The following STPG2 variants were observed in gnomAD, a reference collection of about 807,000 sequenced individuals.
The protein encoded by STPG2 is sperm-tail PG-rich repeat-containing protein 2.
A neutral mutation model predicts 54.2 loss-of-function variants in STPG2; 56 were observed. That is an observed-to-expected ratio of 1.03 (90% CI 0.83 to 1.29). The LOEUF (loss-of-function observed/expected upper bound fraction) is 1.29. Ranked by LOEUF, STPG2 falls within the 50% of genes most tolerant of loss-of-function variation. The pLI, the probability that STPG2 is intolerant of heterozygous loss-of-function variation, is 0.00. For missense variants in STPG2, 596 were observed against 544.9 expected, an observed-to-expected ratio of 1.09 and a Z score of -0.93; for synonymous variants, 200 against 181.8, an observed-to-expected ratio of 1.10 and a Z score of -0.81.
intron 9 of STPG2, among the ~76,000 whole-genome samples, chr4:97,808,707 A>AC (rs1553915304): frequency 4.3e-4 from 64 of 150,204 alleles, no homozygotes; most frequent in Middle Eastern, 3.5e-3. Context: ...CAAAAAAAAA[A>AC]CCCACAGAAA....
At chr4:97,712,913 T>A in intron 9 of STPG2, 99 bp from the exon 10 acceptor site, 1 of 712,828 alleles carries the variant, frequency 1.4e-6, no homozygotes, top group Non-Finnish European at 2.1e-6. Flanking sequence ...TGTATAAAAT[T>A]AGCATGAAAC....
chr4:98,063,165 T>A lies in STPG2; in HGVS notation c.612+42788A>T, dbSNP rs1361611001. On this transcript the variant is annotated intron_variant, in intron 5 of 10. Transcript: ENST00000295268. ...ATACCTATTGTTTAAAAAAAATCAA[T>A]CTAGGCTGGGCACGGTGGCTCACGC... Among the ~76,000 whole-genome samples, 3 of 152,182 alleles carry A rather than the reference T, an allele frequency of 2.0e-5. No homozygotes were observed. In the East Asian group the frequency reaches 5.8e-4, roughly 29 times the overall value.
In STPG2 at chr4:97,559,108, C is replaced by G. The variant is rs772953505; in HGVS notation, c.1330G>C (p.Glu444Gln). The G allele has an allele frequency of 2.0e-5, 32 of 1,598,886 alleles. No homozygotes were observed. Among genetic ancestry groups the G allele is most frequent in the Non-Finnish European group, 2.7e-5 (32 of 1,173,448 alleles). Residue 444 changes from glutamate (E) to glutamine (Q), a missense_variant, in exon 11 of 11, where the codon GAG (glutamate) becomes CAG (glutamine). Physicochemically the swap from Glu to Gln is conservative, Grantham distance 29. Transcript: ENST00000295268. Reference sequence around the variant, plus strand: ...CCAATGAGATTTCCTTTCTTTTTCTCCTGGGATATCTGTTTAATAAGAATG... The same window carrying G: ...CCAATGAGATTTCCTTTCTTTTTCTGCTGGGATATCTGTTTAATAAGAATG... ...PGPATYEISQ[E>Q]KKKGNLIGEM...
intron 7 of STPG2, among the ~76,000 whole-genome samples, chr4:97,948,468 G>T (rs897114369): frequency 6.6e-6 from 1 of 151,948 alleles, no homozygotes; most frequent in Admixed American, 6.6e-5. Context: ...TTTGGGCTTA[G>T]TTTGTTCTTG....
At chr4:97,456,003 A>G (rs938729631) in intron 4 of STPG2, among the ~76,000 whole-genome samples, 1 of 152,212 alleles carries the variant, frequency 6.6e-6, no homozygotes, top group African/African-American at 2.4e-5. Context: ...TACATACAAC[A>G]ATATCAAAGG....
chr4:97,667,186 T>C (rs1436945942), intron 10 of STPG2, among the ~76,000 whole-genome samples: 1 of 152,194 alleles, frequency 6.6e-6, no homozygotes, highest in Non-Finnish European at 1.5e-5. Flanking sequence ...CTTTAACACA[T>C]TCCTCAGGCA....
chr4:97,665,590 C>T (rs772459761), intron 10 of STPG2, among the ~76,000 whole-genome samples: 1 of 152,118 alleles, frequency 6.6e-6, no homozygotes. Context: ...AGAAAAAGTA[C>T]TATAAGTTCC....
intron 8 of STPG2, among the ~76,000 whole-genome samples, chr4:97,885,895 G>C (rs1730549176): frequency 1.3e-5 from 2 of 152,174 alleles, no homozygotes; most frequent in South Asian, 4.2e-4. Flanking sequence ...AACTATTTAA[G>C]AAGAGAAGAA....
At chr4:97,481,282 TTATAGAG>T (rs1330754797) in intron 4 of STPG2, among the ~76,000 whole-genome samples, 4 of 151,586 alleles carry the variant, frequency 2.6e-5, no homozygotes, top group African/African-American at 9.7e-5. Context: ...ATATCTGTAA[TTATAGAG>T]TATATTCTTG....
At chr4:97,738,475 T>C (rs2149033660) in intron 9 of STPG2, among the ~76,000 whole-genome samples, 1 of 152,220 alleles carries the variant, frequency 6.6e-6, no homozygotes, top group Non-Finnish European at 1.5e-5. Flanking sequence ...CCATCTCACG[T>C]GCAGAGACAC....
At chr4:97,814,295 A>G (rs888811638) in intron 9 of STPG2, among the ~76,000 whole-genome samples, 4 of 152,104 alleles carry the variant, frequency 2.6e-5, no homozygotes, top group African/African-American at 9.7e-5. Flanking sequence ...TGCTTAGGCT[A>G]TTAATTTAGG....
intron 8 of STPG2, among the ~76,000 whole-genome samples, chr4:97,843,677 TAA>T (rs1257243005): frequency 6.6e-6 from 1 of 151,934 alleles, no homozygotes; most frequent in Non-Finnish European, 1.5e-5. Context: ...GAGAATCACA[TAA>T]AGACAGTGTT....
chr4:98,022,203 G>C (rs2149292261), intron 5 of STPG2, among the ~76,000 whole-genome samples: 1 of 152,164 alleles, frequency 6.6e-6, no homozygotes, highest in East Asian at 1.9e-4. Context: ...GCTCTTTTAG[G>C]GCAGGTCTGG....
At chr4:97,597,008 C>T (rs569181363) in intron 10 of STPG2, among the ~76,000 whole-genome samples, 5 of 151,716 alleles carry the variant, frequency 3.3e-5, no homozygotes, top group Admixed American at 6.6e-5. Flanking sequence ...ATAAAATGGA[C>T]AGATGCCCAG....
At chr4:97,644,428 A>C (rs72890876) in intron 10 of STPG2, among the ~76,000 whole-genome samples, 16,515 of 152,048 alleles carry the variant, frequency 0.11, 2,661 homozygotes, top group African/African-American at 0.36. Flanking sequence ...CCAAACAAAT[A>C]AGAACCTTAA....
intron 9 of STPG2, among the ~76,000 whole-genome samples, chr4:97,777,071 G>T (rs1726399787): frequency 6.6e-6 from 1 of 152,050 alleles, no homozygotes; most frequent in Non-Finnish European, 1.5e-5. Context: ...AATATATTAG[G>T]TTGTGATGAT....
At chr4:97,906,157 G>A (rs912285077) in intron 8 of STPG2, among the ~76,000 whole-genome samples, 1 of 152,016 alleles carries the variant, frequency 6.6e-6, no homozygotes, top group African/African-American at 2.4e-5. Context: ...GAATCAAATA[G>A]ATGCAATAAA....
intron 5 of STPG2, among the ~76,000 whole-genome samples, chr4:98,069,995 C>T (rs1737951845): frequency 4.0e-5 from 6 of 151,854 alleles, no homozygotes; most frequent in Admixed American, 3.9e-4. Context: ...GAAACTATTC[C>T]AAAAATTGAA....
At chr4:97,679,414 T>A (rs1228457624) in intron 10 of STPG2, among the ~76,000 whole-genome samples, 1 of 152,198 alleles carries the variant, frequency 6.6e-6, no homozygotes, top group African/African-American at 2.4e-5. Context: ...CTTGGCTGCA[T>A]ACATGTCTAC....
Sources: allele counts gnomAD v4.1 joint callset (sites outside exome capture counted in the v4.1 genomes callset), GRCh38; gene constraint gnomAD v4.1.1; transcripts MANE v1.5; gene names NCBI Gene and HGNC (gene_info 2026-07-23, HGNC 2026-07-21).